The following NELL1 variants were observed in gnomAD, a reference collection of about 807,000 sequenced individuals.
The protein encoded by NELL1 is protein kinase C-binding protein NELL1.
In NELL1, 76 loss-of-function variants were observed where a neutral mutation model predicts 107.4. The observed-to-expected ratio is 0.71, with a 90% CI of 0.59 to 0.86. The LOEUF (loss-of-function observed/expected upper bound fraction) is 0.86, where lower values mean the gene tolerates loss of function less well. Among genes scored for constraint, NELL1 ranks in the 40% least tolerant of loss-of-function variants. NELL1 has a pLI of 0.00. For missense variants in NELL1, 1,024 were observed against 1,005.5 expected, an observed-to-expected ratio of 1.02 and a Z score of -0.25; for synonymous variants, 353 against 341.2, an observed-to-expected ratio of 1.03 and a Z score of -0.38.
chr11:20,710,935 A>T (rs1335431330), intron 2 of NELL1, among the ~76,000 whole-genome samples: 1 of 151,380 alleles, frequency 6.6e-6, no homozygotes, highest in Non-Finnish European at 1.5e-5. Flanking sequence ...GGTTAACCTT[A>T]CTAATGGTTT....
chr11:21,491,826 A>G (rs1271600039), intron 15 of NELL1, among the ~76,000 whole-genome samples: 1 of 152,126 alleles, frequency 6.6e-6, no homozygotes, highest in African/African-American at 2.4e-5. Flanking sequence ...CTTCCTACCC[A>G]TGAGCATGGA....
intron 14 of NELL1, 65 bp from the exon 15 acceptor site, chr11:21,370,788 G>T (rs1851340304): frequency 4.8e-6 from 6 of 1,255,326 alleles, no homozygotes; most frequent in Middle Eastern, 1.9e-4. Flanking sequence ...CAGTGCTCCT[G>T]CTGTTTACCG....
At chr11:20,963,946 C>T (rs1851340052) in intron 12 of NELL1, among the ~76,000 whole-genome samples, 2 of 152,108 alleles carry the variant, frequency 1.3e-5, no homozygotes, top group South Asian at 2.1e-4. Context: ...AGAGAGGTGG[C>T]ATATTGGCTC....
intron 5 of NELL1, among the ~76,000 whole-genome samples, chr11:20,916,840 G>C (rs112573687): frequency 9.2e-5 from 14 of 151,906 alleles, no homozygotes; most frequent in African/African-American, 3.4e-4. Context: ...GAACATGAGT[G>C]CTGGGTGGAT....
intron 2 of NELL1, among the ~76,000 whole-genome samples, chr11:20,687,061 A>G (rs999677550): frequency 8.9e-6 from 1 of 112,142 alleles, no homozygotes; most frequent in Non-Finnish European, 1.9e-5. Context: ...TTTTTTTTCA[A>G]ATTTTTAGTT....
At chr11:20,849,843 C>A (rs1170000087) in intron 4 of NELL1, among the ~76,000 whole-genome samples, 1 of 152,102 alleles carries the variant, frequency 6.6e-6, no homozygotes, top group Non-Finnish European at 1.5e-5. Flanking sequence ...TAAGAATTAC[C>A]TGGGGAACAT....
chr11:21,483,481 T>C (rs563255724), intron 15 of NELL1, among the ~76,000 whole-genome samples: 1 of 152,248 alleles, frequency 6.6e-6, no homozygotes, highest in Non-Finnish European at 1.5e-5. Flanking sequence ...CCAAATCCAA[T>C]GATTTTAATA....
At chr11:21,464,995 G>T (rs1445112472) in intron 15 of NELL1, among the ~76,000 whole-genome samples, 2 of 152,122 alleles carry the variant, frequency 1.3e-5, no homozygotes, top group Admixed American at 6.6e-5. Context: ...ACTTTGAAAG[G>T]CAGGTATGAT....
chr11:21,501,360 G>A (rs763141025), intron 15 of NELL1, among the ~76,000 whole-genome samples: 22 of 152,112 alleles, frequency 1.4e-4, no homozygotes, highest in Admixed American at 7.9e-4. Flanking sequence ...TGGGGTAGGC[G>A]TTTCACATGT....
intron 2 of NELL1, among the ~76,000 whole-genome samples, chr11:20,722,985 G>C (rs1459121457): frequency 6.6e-6 from 1 of 151,964 alleles, no homozygotes; most frequent in Non-Finnish European, 1.5e-5. Context: ...GAGAGAATGA[G>C]GAAACGCCAC....
chr11:21,130,532 A>G (rs1024270384), intron 13 of NELL1, among the ~76,000 whole-genome samples: 14 of 152,168 alleles, frequency 9.2e-5, no homozygotes, highest in Admixed American at 2.0e-4. Flanking sequence ...ATCTAAATCT[A>G]CAGGGTAAAC....
chr11:21,564,192 A>AG (rs1219364223), intron 17 of NELL1, among the ~76,000 whole-genome samples: 2 of 151,988 alleles, frequency 1.3e-5, no homozygotes, highest in Non-Finnish European at 2.9e-5. Flanking sequence ...CTGAGCAGAT[A>AG]GAAGCTAACT....
At chr11:21,073,571 C>A (rs1208388814) in intron 12 of NELL1, among the ~76,000 whole-genome samples, 1 of 152,124 alleles carries the variant, frequency 6.6e-6, no homozygotes, top group Admixed American at 6.6e-5. Flanking sequence ...ATGCTTAAAG[C>A]CCATGTATGG....
chr11:20,907,296 A>G (rs912602028), intron 5 of NELL1, among the ~76,000 whole-genome samples: 3 of 151,908 alleles, frequency 2.0e-5, no homozygotes. Context: ...ACAAAACCAA[A>G]AAAAGGAAGA....
chr11:20,774,968 T>A, intron 2 of NELL1, among the ~76,000 whole-genome samples: 1 of 152,288 alleles, frequency 6.6e-6, no homozygotes, highest in South Asian at 2.1e-4. Flanking sequence ...AAAAAAACCC[T>A]GTTGTCCTCA....
chr11:20,853,460 T>C (rs576870922), intron 4 of NELL1, among the ~76,000 whole-genome samples: 11 of 152,332 alleles, frequency 7.2e-5, no homozygotes, highest in African/African-American at 2.6e-4. Flanking sequence ...CTCATTCATA[T>C]GCCAGAAACT....
intron 3 of NELL1, among the ~76,000 whole-genome samples, chr11:20,824,057 A>G (rs887390370): frequency 6.6e-6 from 1 of 151,148 alleles, no homozygotes; most frequent in African/African-American, 2.4e-5. Context: ...ATGTGTTGGG[A>G]GAGGGACCTG....
chr11:20,943,834 G>T (rs1294724503), intron 10 of NELL1, among the ~76,000 whole-genome samples: 4 of 152,110 alleles, frequency 2.6e-5, no homozygotes, highest in Non-Finnish European at 5.9e-5. Context: ...ATTTTAGAGG[G>T]GTAGATTGAG....
intron 15 of NELL1, among the ~76,000 whole-genome samples, chr11:21,455,612 C>G (rs1255311475): frequency 1.3e-5 from 2 of 152,012 alleles, no homozygotes; most frequent in Non-Finnish European, 2.9e-5. Context: ...GAATTATAGG[C>G]GAGGACAACC....
Sources: allele counts gnomAD v4.1 joint callset (sites outside exome capture counted in the v4.1 genomes callset), GRCh38; gene constraint gnomAD v4.1.1; transcripts MANE v1.5; gene names NCBI Gene and HGNC (gene_info 2026-07-23, HGNC 2026-07-21).